Variants in PANX1 observed in about 807,000 individuals in gnomAD.
PANX1 encodes the protein pannexin-1.
Under a neutral mutation model 38.7 loss-of-function variants are expected in PANX1, and 30 were observed. The observed-to-expected ratio is 0.78, with a 90% CI of 0.58 to 1.05. The LOEUF (loss-of-function observed/expected upper bound fraction) is 1.05. Ranked by LOEUF, PANX1 falls within the 50% of genes least tolerant of loss-of-function variation. The probability of loss-of-function intolerance (pLI) is 0.00; values close to 1 mark genes in which losing one functional copy is unlikely to be tolerated. For missense variants in PANX1, 551 were observed against 517.2 expected, an observed-to-expected ratio of 1.07 and a Z score of -0.63; for synonymous variants, 230 against 212.2, an observed-to-expected ratio of 1.08 and a Z score of -0.73.
chr11:94,135,561 A>G (rs1946678881), intron 1 of PANX1, among the ~76,000 whole-genome samples: 1 of 152,208 alleles, frequency 6.6e-6, no homozygotes, highest in Admixed American at 6.5e-5. Flanking sequence ...GTCTCATGGC[A>G]TAGGTCCTAT....
At chr11:94,142,072 G>A (rs1440968950) in intron 1 of PANX1, among the ~76,000 whole-genome samples, 1 of 152,188 alleles carries the variant, frequency 6.6e-6, no homozygotes, top group Non-Finnish European at 1.5e-5. Flanking sequence ...CTCAGGCACT[G>A]CTGTGTGCTC....
At chr11:94,142,731 C>G (rs887481745) in intron 1 of PANX1, among the ~76,000 whole-genome samples, 1 of 152,232 alleles carries the variant, frequency 6.6e-6, no homozygotes, top group Non-Finnish European at 1.5e-5. Context: ...CCTTGCATTG[C>G]ATATGGTACC....
intron 2 of PANX1, among the ~76,000 whole-genome samples, chr11:94,162,129 A>G (rs1485028631): frequency 2.0e-5 from 3 of 152,036 alleles, no homozygotes; most frequent in African/African-American, 4.8e-5. Context: ...GTCTGCCCCT[A>G]CTGGGGGGTG....
chr11:94,175,961 A>G, intron 2 of PANX1: 2 of 908,088 alleles, frequency 2.2e-6, no homozygotes, highest in Non-Finnish European at 2.6e-6. Flanking sequence ...GAGATTCCTT[A>G]TGTGGGTCTG....
rs1458269792 is a variant in PANX1 at position 94,181,096 on chromosome 11, A to G, written c.*227A>G. 1 of 531,538 alleles carries G rather than the reference A, an allele frequency of 1.9e-6. No homozygotes were observed. The highest frequency in any genetic ancestry group is 1.9e-5 in the African/African-American group (1 of 52,696). The allele number at this position is 531,538 out of a possible 1,614,324, so 32.9% of individuals were successfully genotyped here. ...CACCTGAGAGATAGTAAACTGCAGC[A>G]AGTAACTATGTGTAAGTCCTCATCA... is the stretch of plus-strand genomic sequence containing the variant. On this transcript the variant is annotated 3_prime_UTR_variant, in exon 5 of 5. Coordinates refer to ENST00000227638, the MANE Select transcript of PANX1 (RefSeq NM_015368.4).
chr11:94,141,214 A>G (rs10831168), intron 1 of PANX1, among the ~76,000 whole-genome samples: 79,469 of 152,046 alleles, frequency 0.52, 21,787 homozygotes, highest in African/African-American at 0.69. Flanking sequence ...AATTTAAAAG[A>G]CACTTTCAAC....
In PANX1 at chr11:94,129,146, T is replaced by A; in HGVS notation, c.-167T>A. The A allele has an allele frequency of 2.2e-6, 1 of 464,708 alleles. No homozygotes were observed. Among genetic ancestry groups the A allele is most frequent in the Non-Finnish European group, 3.7e-6 (1 of 271,718 alleles). 28.8% of individuals were successfully genotyped at this position (464,708 alleles called of 1,614,324 possible). Reference sequence around the variant, plus strand: ...CAGCGAGCGCGAGAGCCCAGCGGAGTCGCTGGGAGCCTGAGGCACCGAGAC... The same window carrying A: ...CAGCGAGCGCGAGAGCCCAGCGGAGACGCTGGGAGCCTGAGGCACCGAGAC... On this transcript the variant is annotated 5_prime_UTR_variant, in exon 1 of 5. Coordinates refer to ENST00000227638, the MANE Select transcript of PANX1 (RefSeq NM_015368.4).
intron 1 of PANX1, among the ~76,000 whole-genome samples, chr11:94,139,120 G>C (rs1216142746): frequency 6.6e-6 from 1 of 152,012 alleles, no homozygotes; most frequent in African/African-American, 2.4e-5. Flanking sequence ...GCCTATTTTT[G>C]GGCTGTTTAT....
intron 1 of PANX1, among the ~76,000 whole-genome samples, chr11:94,148,398 G>A (rs76161951): frequency 0.015 from 2,217 of 152,286 alleles, 87 homozygotes; most frequent in East Asian, 0.14. Flanking sequence ...CGGGGCAAAC[G>A]TCATTTGGTC....
Position 94,170,947 on chromosome 11 carries a change from G to C in PANX1, c.322-7422G>C, listed in dbSNP as rs746233529. ...TAGTTCAGCGTGCTCATGGACTTGC[G>C]TAATTTCTTCCCATGCCTGTATTTC... On this transcript the variant is annotated intron_variant, in intron 2 of 4. Coordinates refer to ENST00000227638, the MANE Select transcript of PANX1 (RefSeq NM_015368.4). Among the ~76,000 whole-genome samples, 3 of 147,180 alleles carry C rather than the reference G, an allele frequency of 2.0e-5. No homozygotes were observed. The East Asian group carries it at 5.8e-4, about 28-fold the overall frequency.
At chr11:94,134,613 AAAG>A (rs1425275264) in intron 1 of PANX1, among the ~76,000 whole-genome samples, 1 of 151,566 alleles carries the variant, frequency 6.6e-6, no homozygotes, top group African/African-American at 2.4e-5. Context: ...GCCCTTAGAA[AAAG>A]AAGAAATCCC....
At position 94,180,149 on chromosome 11, in the gene PANX1, C is replaced by T; in HGVS notation, c.1093C>T (p.Leu365=). ...KSSGQGIDPM[L]LLTNLGMIKM... ...CAGTGGTCAGGGGATCGACCCAATG[C>T]TACTCCTGACAAACCTTGGCATGAT... Residue 365 remains leucine (L), a synonymous_variant, in exon 4 of 5, where the codon CTA becomes TTA. Coordinates refer to ENST00000227638, the MANE Select transcript of PANX1 (RefSeq NM_015368.4). The T allele has an allele frequency of 2.5e-6, 4 of 1,613,904 alleles. No individual in the cohort carries two copies. The highest frequency in any genetic ancestry group is 2.5e-6 in the Non-Finnish European group (3 of 1,179,890).
rs143794819 is a variant in PANX1, at chr11:94,156,814, G to C, written c.321+3184G>C. 0.014 allele frequency among the ~76,000 whole-genome samples: 2,071 copies of C among 150,674 alleles called. 85 individuals are homozygous for C. The East Asian group carries it at 0.14, about 10-fold the overall frequency. ...ATATGTATACTTGTGCCATGTTGGT[G>C]TGCTGCACCCATTAACTCGTCATTT... On this transcript the variant is annotated intron_variant, in intron 2 of 4. Transcript: ENST00000227638.
At chr11:94,170,304 C>T (rs975752209) in intron 2 of PANX1, among the ~76,000 whole-genome samples, 5 of 151,622 alleles carry the variant, frequency 3.3e-5, no homozygotes, top group African/African-American at 9.8e-5. Context: ...TAAGTGAAAC[C>T]ATACAATATT....
At chr11:94,175,490 A>G (rs1245934052) in intron 2 of PANX1, among the ~76,000 whole-genome samples, 1 of 151,806 alleles carries the variant, frequency 6.6e-6, no homozygotes, top group Non-Finnish European at 1.5e-5. Flanking sequence ...CAGACTGTAA[A>G]TAGTCACTTT....
intron 2 of PANX1, among the ~76,000 whole-genome samples, chr11:94,169,080 A>C (rs559342728): frequency 4.6e-5 from 7 of 151,714 alleles, no homozygotes; most frequent in African/African-American, 1.5e-4. Context: ...GGGCAGTGAG[A>C]TATGGTATCT....
intron 1 of PANX1, among the ~76,000 whole-genome samples, chr11:94,145,592 A>G (rs1251429289): frequency 6.6e-6 from 1 of 152,232 alleles, no homozygotes; most frequent in Non-Finnish European, 1.5e-5. Context: ...TTCCTTGCAG[A>G]CATGTGCTGT....
chr11:94,179,500 T>C, intron 3 of PANX1, 102 bp from the exon 4 acceptor site: 1 of 749,012 alleles, frequency 1.3e-6, no homozygotes, highest in Non-Finnish European at 2.2e-6. Context: ...GAAGTATGGG[T>C]GTTTGAAATT....
At chr11:94,151,393 A>G (rs1946881142) in intron 1 of PANX1, among the ~76,000 whole-genome samples, 1 of 152,220 alleles carries the variant, frequency 6.6e-6, no homozygotes, top group South Asian at 2.1e-4. Flanking sequence ...TAAATGTTGG[A>G]TACTTGCACA....
Sources: gnomAD v4.1 joint callset for allele counts (sites outside exome capture counted in the v4.1 genomes callset) on GRCh38, gnomAD v4.1.1 for gene constraint, MANE v1.5 for transcripts, NCBI Gene and HGNC (gene_info 2026-07-23, HGNC 2026-07-21) for gene names.